Variants in NAALADL2 observed in about 807,000 individuals in gnomAD.
The protein encoded by NAALADL2 is N-acetylated alpha-linked acidic dipeptidase like 2.
In NAALADL2, 76 loss-of-function variants were observed where a neutral mutation model predicts 87.2. That is an observed-to-expected ratio of 0.87 (90% CI 0.72 to 1.05). The LOEUF (loss-of-function observed/expected upper bound fraction) is 1.05. NAALADL2 is among the 50% of genes least tolerant of loss of function. The pLI is 0.00. For missense variants in NAALADL2, 1,089 were observed against 945.8 expected (o/e 1.15, Z -1.99); for synonymous variants, 354 against 331.0 (o/e 1.07, Z -0.75).
chr3:175,221,751 T>C (rs1428786693), intron 2 of NAALADL2, among the ~76,000 whole-genome samples: 1 of 150,602 alleles, frequency 6.6e-6, no homozygotes, highest in African/African-American at 2.5e-5. Flanking sequence ...AGAGTAGATA[T>C]TCAGTGGTTA....
chr3:174,784,517 C>A lies in NAALADL2; in HGVS notation c.-9+46771C>A, dbSNP rs549051823. 1.4e-4 allele frequency among the ~76,000 whole-genome samples: 22 copies of A among 152,156 alleles called. No individual in the cohort carries two copies. The South Asian group carries it at 4.4e-3, about 30-fold the overall frequency. ...TAGCACAGTGCTGGATGAAATCAAA[C>A]GATAAAAACCTTTTCTTAAGTGTAT... is the stretch of plus-strand genomic sequence containing the variant. On this transcript the variant is annotated intron_variant, in intron 3 of 3. Coordinates refer to the NAALADL2 transcript ENST00000434257.
chr3:175,787,209 G>A (rs1046222946), intron 13 of NAALADL2, among the ~76,000 whole-genome samples: 147 of 152,280 alleles, frequency 9.7e-4, no homozygotes, highest in African/African-American at 3.4e-3. Flanking sequence ...ACAGAGGCAG[G>A]CAGGCCTCCT....
intron 4 of NAALADL2, among the ~76,000 whole-genome samples, chr3:175,267,778 C>T (rs1249978667): frequency 6.6e-6 from 1 of 152,070 alleles, no homozygotes; most frequent in Non-Finnish European, 1.5e-5. Flanking sequence ...GAATTTCCAA[C>T]CTCACATCCC....
intron 3 of NAALADL2, among the ~76,000 whole-genome samples, chr3:174,782,587 C>T (rs992400023): frequency 1.3e-5 from 2 of 151,710 alleles, no homozygotes; most frequent in African/African-American, 2.4e-5. Flanking sequence ...TGTATTAGTC[C>T]GTTCTGACGC....
chr3:175,174,795 ATGTG>A lies in NAALADL2; in HGVS notation c.546-59125_546-59122del, dbSNP rs767210969. ...TGTGTGTGTGTGTGTGTGTATATAT[ATGTG>A]TGTGTGTGTGCGCTATATATGTATA... On this transcript the variant is annotated intron_variant, in intron 2 of 13. Coordinates refer to ENST00000454872, the MANE Select transcript of NAALADL2 (RefSeq NM_207015.3). Among the ~76,000 whole-genome samples, 14 of 131,284 alleles carry A rather than the reference ATGTG, an allele frequency of 1.1e-4. No homozygotes were observed. In the South Asian group the frequency reaches 1.5e-3, roughly 14 times the overall value. 86.1% of individuals were successfully genotyped at this position (131,284 alleles called of 152,430 possible). A position where few individuals can be genotyped will look rare whatever the true frequency, so the allele number is the denominator to read the frequency against.
chr3:175,008,314 G>A (rs1204542379), intron 1 of NAALADL2, among the ~76,000 whole-genome samples: 7 of 152,150 alleles, frequency 4.6e-5, no homozygotes, highest in African/African-American at 1.4e-4. Context: ...GCAGGAGTTC[G>A]AGACTGCAGT....
intron 3 of NAALADL2, among the ~76,000 whole-genome samples, chr3:174,786,247 G>A (rs1219689403): frequency 2.0e-5 from 3 of 151,838 alleles, no homozygotes; most frequent in East Asian, 1.9e-4. Flanking sequence ...TCAGGTGATC[G>A]AGACCATCCT....
intron 11 of NAALADL2, among the ~76,000 whole-genome samples, chr3:175,714,093 G>A (rs1224139084): frequency 2.0e-5 from 3 of 152,138 alleles, no homozygotes; most frequent in South Asian, 4.1e-4. Context: ...GTATTCCATG[G>A]TGTATATGTG....
At chr3:174,943,381 T>C (rs1276594779) in intron 1 of NAALADL2, among the ~76,000 whole-genome samples, 2 of 152,286 alleles carry the variant, frequency 1.3e-5, no homozygotes, top group East Asian at 3.9e-4. Flanking sequence ...TGGTAGACTC[T>C]TGCTCAGTTG....
intron 2 of NAALADL2, among the ~76,000 whole-genome samples, chr3:174,626,235 A>G (rs1313129034): frequency 2.0e-5 from 3 of 152,064 alleles, no homozygotes; most frequent in Admixed American, 6.5e-5. Flanking sequence ...AAATTCAAAT[A>G]TACTGTACAG....
At chr3:174,586,865 G>T (rs1716780407) in intron 2 of NAALADL2, among the ~76,000 whole-genome samples, 1 of 151,920 alleles carries the variant, frequency 6.6e-6, no homozygotes. Flanking sequence ...TTAAGTTATA[G>T]GGTACATGTG....
chr3:175,392,467 T>A (rs1769197591), intron 5 of NAALADL2, among the ~76,000 whole-genome samples: 1 of 152,200 alleles, frequency 6.6e-6, no homozygotes, highest in South Asian at 2.1e-4. Context: ...TAGCTCTTCC[T>A]CCCTTTCTTC....
chr3:175,288,854 A>G (rs1266151302), intron 4 of NAALADL2, among the ~76,000 whole-genome samples: 1 of 152,166 alleles, frequency 6.6e-6, no homozygotes, highest in Non-Finnish European at 1.5e-5. Context: ...CTCATCAAAC[A>G]TTTGAACTCT....
At chr3:175,216,588 C>G (rs1187907635) in intron 2 of NAALADL2, among the ~76,000 whole-genome samples, 1 of 151,362 alleles carries the variant, frequency 6.6e-6, no homozygotes, top group African/African-American at 2.4e-5. Flanking sequence ...GTACAGAACT[C>G]TTGCCCTGTC....
At chr3:175,542,170 A>G (rs898214431) in intron 9 of NAALADL2, among the ~76,000 whole-genome samples, 1 of 152,224 alleles carries the variant, frequency 6.6e-6, no homozygotes, top group African/African-American at 2.4e-5. Context: ...ATCAAACACC[A>G]TGAAAAATTT....
chr3:174,769,995 G>A (rs1253949616), intron 3 of NAALADL2, among the ~76,000 whole-genome samples: 2 of 151,944 alleles, frequency 1.3e-5, no homozygotes, highest in East Asian at 3.9e-4. Flanking sequence ...AATATTAGAT[G>A]CCCATCTTTA....
chr3:174,819,350 C>T (rs939527570), intron 3 of NAALADL2, among the ~76,000 whole-genome samples: 1 of 151,302 alleles, frequency 6.6e-6, no homozygotes, highest in Non-Finnish European at 1.5e-5. Flanking sequence ...CAAGCATGAG[C>T]CATTGTGCGT....
In NAALADL2 at chr3:175,273,631, T is replaced by C. The variant is rs184307975; in HGVS notation, c.939+17101T>C. Reference sequence around the variant, plus strand: ...AAAGGTAAAACTTGCAAAAATCAAATTGTTGTTTAAGGAAATAGAAAAAAA... The same window carrying C: ...AAAGGTAAAACTTGCAAAAATCAAACTGTTGTTTAAGGAAATAGAAAAAAA... On this transcript the variant is annotated intron_variant, in intron 4 of 13. Coordinates refer to ENST00000454872, the MANE Select transcript of NAALADL2 (RefSeq NM_207015.3). 2.9e-3 allele frequency among the ~76,000 whole-genome samples: 448 copies of C among 152,176 alleles called. 5 individuals carry two copies. The highest frequency in any genetic ancestry group is 0.01 in the African/African-American group (426 of 41,528).
chr3:174,856,647 G>C (rs1379543218), upstream of NAALADL2, among the ~76,000 whole-genome samples: 1 of 152,088 alleles, frequency 6.6e-6, no homozygotes, highest in Non-Finnish European at 1.5e-5. Flanking sequence ...TTATGAGGCT[G>C]GCAATTCAGA....
Sources: allele counts gnomAD v4.1 joint callset (sites outside exome capture counted in the v4.1 genomes callset), GRCh38; gene constraint gnomAD v4.1.1; transcripts MANE v1.5; gene names NCBI Gene and HGNC (gene_info 2026-07-23, HGNC 2026-07-21).